Variants in SEC24A observed in about 807,000 individuals in gnomAD.
SEC24A encodes protein transport protein Sec24A.
Under a neutral mutation model 129.4 loss-of-function variants are expected in SEC24A, and 93 were observed. The ratio of observed to expected loss-of-function variants is 0.72; its 90% CI spans 0.61 to 0.85. The LOEUF (loss-of-function observed/expected upper bound fraction) is 0.85. Among genes scored for constraint, SEC24A ranks in the 40% least tolerant of loss-of-function variants. SEC24A has a pLI of 0.00. For missense variants in SEC24A, 1,264 were observed against 1,307.4 expected (o/e 0.97, Z 0.51); for synonymous variants, 460 against 467.3 (o/e 0.98, Z 0.20).
intron 11 of SEC24A, among the ~76,000 whole-genome samples, chr5:134,689,779 A>T (rs1751576525): frequency 6.6e-6 from 1 of 152,018 alleles, no homozygotes; most frequent in Admixed American, 6.6e-5. Context: ...AAAAAAAAAA[A>T]ACGTATAATG....
chr5:134,661,988 C>T (rs1363092885), intron 2 of SEC24A, among the ~76,000 whole-genome samples: 1 of 151,244 alleles, frequency 6.6e-6, no homozygotes. Context: ...TGCCACTGCA[C>T]CCAGCTAACT....
rs1324718024 is a variant in SEC24A, at chr5:134,721,486, C to A, written c.3063+396C>A. Among the ~76,000 whole-genome samples, 4 of 151,034 alleles carry A rather than the reference C, an allele frequency of 2.6e-5. No individual in the cohort carries two copies. The East Asian group carries it at 5.8e-4, about 22-fold the overall frequency. On this transcript the variant is annotated intron_variant, in intron 21 of 22. Coordinates refer to ENST00000398844, the MANE Select transcript of SEC24A (RefSeq NM_021982.3). ...ATTGAGGCAGGAGAATCGCTTGAAC[C>A]CAGGAGGTGGACATTGCAGTGAGCC...
Position 134,682,493 on chromosome 5 carries a change from A to G in SEC24A, c.1491+11A>G, listed in dbSNP as rs1196952581. The G allele has an allele frequency of 7.2e-7, 1 of 1,386,680 alleles. No individual in the cohort carries two copies. Among genetic ancestry groups the G allele is most frequent in the East Asian group, 2.3e-5 (1 of 43,754 alleles). The allele number at this position is 1,386,680 out of a possible 1,614,324, so 85.9% of individuals were successfully genotyped here. ...CCTTCAGAATACATGGTAAACTTTT[A>G]TTTTTTGATACAGTATACCCATTTT... On this transcript the variant is annotated intron_variant, in intron 9 of 22. Coordinates refer to ENST00000398844, the MANE Select transcript of SEC24A (RefSeq NM_021982.3).
intron 19 of SEC24A, chr5:134,715,675 T>G: frequency 6.5e-6 from 1 of 153,832 alleles, no homozygotes; most frequent in African/African-American, 2.4e-5. Context: ...TATCATACAC[T>G]GGGTCCTGTC....
intron 3 of SEC24A, among the ~76,000 whole-genome samples, chr5:134,668,445 G>A (rs192050018): frequency 6.6e-6 from 1 of 152,208 alleles, no homozygotes; most frequent in African/African-American, 2.4e-5. Context: ...AGAAATTAAG[G>A]CCAGGTGCGG....
At chr5:134,678,444 T>C (rs1751142254) in intron 7 of SEC24A, among the ~76,000 whole-genome samples, 1 of 151,834 alleles carries the variant, frequency 6.6e-6, no homozygotes, top group Non-Finnish European at 1.5e-5. Flanking sequence ...TTTTAACTTA[T>C]TATTTATTTA....
chr5:134,714,776 A>G (rs1035287070), intron 18 of SEC24A, among the ~76,000 whole-genome samples: 1 of 152,184 alleles, frequency 6.6e-6, no homozygotes, highest in Non-Finnish European at 1.5e-5. Flanking sequence ...ATCAACTAGG[A>G]AACAGACACC....
At chr5:134,681,051 A>T (rs568978037) in intron 8 of SEC24A, among the ~76,000 whole-genome samples, 2 of 149,924 alleles carry the variant, frequency 1.3e-5, no homozygotes, top group East Asian at 4.0e-4. Flanking sequence ...GTGAGCCGAA[A>T]TCGAGTCATT....
Position 134,708,706 on chromosome 5 carries a change from T to G in SEC24A, c.2552-7T>G, listed in dbSNP as rs1373929418. On this transcript the variant is annotated splice_region_variant and splice_polypyrimidine_tract_variant and intron_variant, in intron 17 of 22. Transcript: ENST00000398844. ...TTCTTTTTTGTCCTTACCCTCACCTTGCTTAGCTGTTGACAGATCTATGAC... is the reference window on the plus strand; with the variant it reads ...TTCTTTTTTGTCCTTACCCTCACCTGGCTTAGCTGTTGACAGATCTATGAC... 1 of 1,608,326 alleles carries G rather than the reference T, an allele frequency of 6.2e-7. No homozygotes were observed. The highest frequency in any genetic ancestry group is 1.3e-5 in the African/African-American group (1 of 74,550).
rs1751516561 is a variant in SEC24A at position 134,688,266 on chromosome 5, C to T, written c.1690C>T (p.Gln564Ter). 6.2e-7 allele frequency: 1 copy of T among 1,602,020 alleles called. No homozygotes were observed. Among genetic ancestry groups the T allele is most frequent in the Non-Finnish European group, 8.6e-7 (1 of 1,169,146 alleles). ...HFYGLQESLS[Q>*]PQMLIVSDIE... ...CTACGGTCTTCAGGAAAGTCTCTCT[C>T]AACCTCAGATGCTAATAGTTTCAGA... is the stretch of plus-strand genomic sequence containing the variant. Residue 564 changes from glutamine to a stop codon, truncating the protein, a stop_gained, in exon 11 of 23, where the codon CAA becomes TAA. Coordinates refer to ENST00000398844, the MANE Select transcript of SEC24A (RefSeq NM_021982.3). LOFTEE classifies it high-confidence loss of function.
At position 134,688,284 on chromosome 5, in the gene SEC24A, GT is replaced by G; in HGVS notation, c.1711del (p.Ser571GlnfsTer15). 1 of 1,563,812 alleles carries G rather than the reference GT, an allele frequency of 6.4e-7. No individual in the cohort carries two copies. On this transcript the variant is annotated frameshift_variant, in exon 11 of 23. Coordinates refer to ENST00000398844, the MANE Select transcript of SEC24A (RefSeq NM_021982.3). LOFTEE classifies it high-confidence loss of function. ...TCTCTCTCAACCTCAGATGCTAATA[GT>G]TTCAGATATTGAAGGTATAGATTTA... ...ESLSQPQMLIVSDIEDVFIPM... is the reference protein window; with the variant it reads ...ESLSQPQMLIXSDIEDVFIPM...
At chr5:134,714,058 C>T (rs1752409443) in intron 18 of SEC24A, among the ~76,000 whole-genome samples, 1 of 151,846 alleles carries the variant, frequency 6.6e-6, no homozygotes, top group Non-Finnish European at 1.5e-5. Flanking sequence ...AAAACCTTAC[C>T]CATAACTTTT....
At chr5:134,715,210 A>T (rs766033241) in intron 19 of SEC24A, 49 bp downstream of exon 19, 1 of 1,479,766 alleles carries the variant, frequency 6.8e-7, no homozygotes, top group Non-Finnish European at 9.4e-7. Context: ...TAGTAAGCCT[A>T]ATCATAGTCC....
intron 2 of SEC24A, among the ~76,000 whole-genome samples, chr5:134,663,112 T>C (rs1344166193): frequency 6.6e-6 from 1 of 152,216 alleles, no homozygotes; most frequent in East Asian, 1.9e-4. Context: ...AGAGATAGGC[T>C]GTCTCTCTGT....
intron 11 of SEC24A, among the ~76,000 whole-genome samples, chr5:134,691,974 G>A (rs1218144064): frequency 6.8e-6 from 1 of 146,532 alleles, no homozygotes; most frequent in Non-Finnish European, 1.5e-5. Flanking sequence ...AAGCAGAATT[G>A]TAAATTATTA....
intron 18 of SEC24A, among the ~76,000 whole-genome samples, chr5:134,712,926 ATTTTTTT>A (rs754704811): frequency 1.9e-5 from 2 of 102,716 alleles, no homozygotes; most frequent in Non-Finnish European, 3.6e-5. Context: ...AAATATTTAA[ATTTTTTT>A]TTTTTTTTTT....
At chr5:134,689,451 T>C (rs1751559401) in intron 11 of SEC24A, among the ~76,000 whole-genome samples, 1 of 152,090 alleles carries the variant, frequency 6.6e-6, no homozygotes, top group African/African-American at 2.4e-5. Flanking sequence ...GATGAATAGA[T>C]AAATAAAATG....
intron 19 of SEC24A, 78 bp from the exon 20 acceptor site, chr5:134,717,991 T>A (rs2150112937): frequency 9.9e-7 from 1 of 1,014,796 alleles, no homozygotes; most frequent in Admixed American, 1.8e-5. Context: ...TAACATTCAT[T>A]TAATTTTTTG....
rs1752781194 is a variant in SEC24A, at chr5:134,727,442, C to T, written c.*2348C>T. On this transcript the variant is annotated 3_prime_UTR_variant, in exon 23 of 23. Transcript: ENST00000398844. ...TCTGACATACTAATAGTCACTCAAG[C>T]AGTACCATTTATTTTAGTTTGCATA... is the stretch of plus-strand genomic sequence containing the variant. 6.6e-6 allele frequency: 1 copy of T among 152,484 alleles called. No individual in the cohort carries two copies. Among genetic ancestry groups the T allele is most frequent in the Non-Finnish European group, 1.5e-5 (1 of 68,006 alleles). The allele number at this position is 152,484 out of a possible 1,614,324, so 9.4% of individuals were successfully genotyped here. A position where few individuals can be genotyped will look rare whatever the true frequency, so the allele number is the denominator to read the frequency against.
Sources: allele counts gnomAD v4.1 joint callset (sites outside exome capture counted in the v4.1 genomes callset), GRCh38; gene constraint gnomAD v4.1.1; transcripts MANE v1.5; gene names NCBI Gene and HGNC (gene_info 2026-07-23, HGNC 2026-07-21).